The following ME2 variants were observed in gnomAD, a reference collection of about 807,000 sequenced individuals.
ME2 encodes NAD-dependent malic enzyme, mitochondrial.
A neutral mutation model predicts 73.7 loss-of-function variants in ME2; 60 were observed. The ratio of observed to expected loss-of-function variants is 0.81; its 90% CI spans 0.66 to 1.01. The LOEUF (loss-of-function observed/expected upper bound fraction) is 1.01, where lower values mean the gene tolerates loss of function less well. Among genes scored for constraint, ME2 ranks in the 50% least tolerant of loss-of-function variants. The pLI, the probability that ME2 is intolerant of heterozygous loss-of-function variation, is 0.00. For missense variants in ME2, 594 were observed against 705.5 expected, an observed-to-expected ratio of 0.84 and a Z score of 1.79; for synonymous variants, 199 against 236.9, an observed-to-expected ratio of 0.84 and a Z score of 1.47.
At chr18:50,914,862 CCCTT>C (rs965854057) in intron 4 of ME2, among the ~76,000 whole-genome samples, 1 of 152,206 alleles carries the variant, frequency 6.6e-6, no homozygotes, top group African/African-American at 2.4e-5. Flanking sequence ...CTCCTTCTCT[CCCTT>C]CCTTCTTTGC....
intron 2 of ME2, among the ~76,000 whole-genome samples, chr18:50,900,210 G>A (rs1389496028): frequency 6.6e-6 from 1 of 151,242 alleles, no homozygotes; most frequent in Non-Finnish European, 1.5e-5. Flanking sequence ...AAAATTGAGT[G>A]ATGCAGTTTT....
intron 4 of ME2, among the ~76,000 whole-genome samples, chr18:50,914,835 C>T (rs950613391): frequency 2.6e-5 from 4 of 152,166 alleles, no homozygotes; most frequent in Admixed American, 6.5e-5. Context: ...CTAGAACCTG[C>T]GTTTCTTCTT....
In ME2 at chr18:50,901,852, T is replaced by A. The variant is rs536456314; in HGVS notation, c.108+5924T>A. On this transcript the variant is annotated intron_variant, in intron 2 of 15. Coordinates refer to ENST00000321341, the MANE Select transcript of ME2 (RefSeq NM_002396.5). The stretch of plus-strand genomic sequence containing the variant: ...TATAGGAGTCCTTCTGAAATTTTTT[T>A]AAAAAAACACCTGAACACTATTGAT... Among the ~76,000 whole-genome samples the A allele has an allele frequency of 2.0e-5, 3 of 152,274 alleles. No homozygotes were observed. In the South Asian group the frequency reaches 6.2e-4, roughly 32 times the overall value.
intron 2 of ME2, among the ~76,000 whole-genome samples, chr18:50,905,289 A>G (rs960262615): frequency 4.6e-5 from 7 of 152,074 alleles, no homozygotes; most frequent in African/African-American, 1.4e-4. Flanking sequence ...CTGGCAGTTC[A>G]TATTTCTTTA....
intron 1 of ME2, among the ~76,000 whole-genome samples, chr18:50,891,067 A>G (rs1163769483): frequency 2.0e-5 from 3 of 152,216 alleles, no homozygotes; most frequent in Non-Finnish European, 4.4e-5. Context: ...GACAAATCAA[A>G]CAAATATTAA....
chr18:50,933,519 A>G (rs1435280164), intron 13 of ME2: 1 of 152,202 alleles, frequency 6.6e-6, no homozygotes, highest in Non-Finnish European at 1.5e-5. Flanking sequence ...TATAATAGAA[A>G]CTGTCCTGTC....
At chr18:50,937,036 T>C (rs958298461) in intron 13 of ME2, among the ~76,000 whole-genome samples, 1 of 151,970 alleles carries the variant, frequency 6.6e-6, no homozygotes, top group Non-Finnish European at 1.5e-5. Context: ...TAAGGTAATG[T>C]TGGGATGAAA....
chr18:50,902,165 G>C (rs1916906613), intron 2 of ME2, among the ~76,000 whole-genome samples: 1 of 152,132 alleles, frequency 6.6e-6, no homozygotes, highest in Admixed American at 6.5e-5. Context: ...TTAAAGAAGA[G>C]AATCAATAAC....
intron 15 of ME2, among the ~76,000 whole-genome samples, chr18:50,941,148 C>G (rs1040132962): frequency 6.7e-6 from 1 of 150,338 alleles, no homozygotes; most frequent in African/African-American, 2.5e-5. Context: ...GTAATCCCAG[C>G]TACTCTGGAG....
In ME2 at chr18:50,947,526, CTT is replaced by C. The variant is rs1352601870; in HGVS notation, c.*343_*344del. 1 of 173,772 alleles carries C rather than the reference CTT, an allele frequency of 5.8e-6. No homozygotes were observed. Among genetic ancestry groups the C allele is most frequent in the African/African-American group, 2.4e-5 (1 of 42,264 alleles). The allele number at this position is 173,772 out of a possible 1,614,324, so 10.8% of individuals were successfully genotyped here. A position where few individuals can be genotyped will look rare whatever the true frequency, so the allele number is the denominator to read the frequency against. On this transcript the variant is annotated 3_prime_UTR_variant, in exon 16 of 16. Coordinates refer to ENST00000321341, the MANE Select transcript of ME2 (RefSeq NM_002396.5). ...GCTATTTACTATTATGGGTAATACT[CTT>C]CTCTGGCCTAGTTCTTACAGAGCTA...
chr18:50,906,015 T>C (rs1301283376), intron 2 of ME2, among the ~76,000 whole-genome samples: 1 of 152,308 alleles, frequency 6.6e-6, no homozygotes, highest in African/African-American at 2.4e-5. Context: ...AGTACTTTCA[T>C]TCCCAGAATT....
At chr18:50,928,556 T>C in intron 12 of ME2, among the ~76,000 whole-genome samples, 1 of 152,186 alleles carries the variant, frequency 6.6e-6, no homozygotes, top group South Asian at 2.1e-4. Context: ...TTTTTCTTAA[T>C]TGAGTGATGG....
Position 50,921,059 on chromosome 18 carries a change from T to C in ME2, c.943-15T>C, listed in dbSNP as rs774650713. The C allele has an allele frequency of 1.5e-6, 2 of 1,347,306 alleles. No individual in the cohort carries two copies. Among genetic ancestry groups the C allele is most frequent in the Non-Finnish European group, 2.1e-6 (2 of 967,868 alleles). 83.5% of individuals were successfully genotyped at this position (1,347,306 alleles called of 1,614,324 possible). On this transcript the variant is annotated splice_polypyrimidine_tract_variant and intron_variant, in intron 9 of 15. Coordinates refer to ENST00000321341, the MANE Select transcript of ME2 (RefSeq NM_002396.5). ...GTACTCTAGTATATATTAAAATTTATGTTTTGTTGAACAGGCTGCTCTTGG... is the reference window on the plus strand; with the variant it reads ...GTACTCTAGTATATATTAAAATTTACGTTTTGTTGAACAGGCTGCTCTTGG...
At chr18:50,937,447 A>G (rs1454356164) in intron 13 of ME2, among the ~76,000 whole-genome samples, 2 of 152,216 alleles carry the variant, frequency 1.3e-5, no homozygotes, top group African/African-American at 4.8e-5. Context: ...TCATGCTCAT[A>G]GCTTCCAATC....
chr18:50,927,721 C>CATATATATATATATATATATATATATAT (rs368161371), intron 12 of ME2, among the ~76,000 whole-genome samples: 4 of 85,450 alleles, frequency 4.7e-5, no homozygotes, highest in East Asian at 3.6e-4. Context: ...CCCAAAAAAC[C>CATATATATATATATATATATATATATAT]ATATATATAT....
intron 3 of ME2, among the ~76,000 whole-genome samples, chr18:50,910,246 A>G (rs374175532): frequency 1.2e-4 from 18 of 145,948 alleles, no homozygotes; most frequent in Admixed American, 9.0e-4. Flanking sequence ...AGCCTGGGCA[A>G]CAGAGTGGGA....
In ME2 at chr18:50,948,351, G is replaced by T. The variant is rs1205918425; in HGVS notation, c.*1167G>T. On this transcript the variant is annotated 3_prime_UTR_variant, in exon 16 of 16. Transcript: ENST00000321341. ...TTTCTTGTGTGGCTTGCATATTGAA[G>T]AATTCTAAAGGAAAATATATCTGCC... The T allele has an allele frequency of 6.6e-6, 1 of 152,028 alleles. No individual in the cohort carries two copies. The highest frequency in any genetic ancestry group is 2.1e-4 in the South Asian group (1 of 4,826). The allele number at this position is 152,028 out of a possible 1,614,324, so 9.4% of individuals were successfully genotyped here.
chr18:50,924,703 GT>G (rs772295966), intron 11 of ME2, among the ~76,000 whole-genome samples: 157 of 143,930 alleles, frequency 1.1e-3, no homozygotes, highest in Admixed American at 1.9e-3. Context: ...CTTGTTTTTT[GT>G]TTTTTTTTTT....
chr18:50,892,784 T>C (rs2144191598), intron 1 of ME2, among the ~76,000 whole-genome samples: 1 of 152,260 alleles, frequency 6.6e-6, no homozygotes, highest in African/African-American at 2.4e-5. Context: ...TTTTTTATTC[T>C]AAGAAAAACA....
Sources: gnomAD v4.1 joint callset for allele counts (sites outside exome capture counted in the v4.1 genomes callset) on GRCh38, gnomAD v4.1.1 for gene constraint, MANE v1.5 for transcripts, NCBI Gene and HGNC (gene_info 2026-07-23, HGNC 2026-07-21) for gene names.